Variants in C2CD3 observed in about 807,000 individuals in gnomAD.
C2CD3 encodes C2 domain containing 3 centriole elongation regulator.
A neutral mutation model predicts 234.0 loss-of-function variants in C2CD3; 148 were observed. The ratio of observed to expected loss-of-function variants is 0.63; its 90% CI spans 0.55 to 0.72. C2CD3 has a LOEUF of 0.72. Among genes scored for constraint, C2CD3 ranks in the 30% least tolerant of loss-of-function variants. C2CD3 has a pLI of 0.00. For synonymous variants in C2CD3, 1,000 were observed against 1,035.4 expected, an observed-to-expected ratio of 0.97 and a Z score of 0.66; for missense variants, 2,577 against 2,811.5, an observed-to-expected ratio of 0.92 and a Z score of 1.89.
intron 3 of C2CD3, among the ~76,000 whole-genome samples, chr11:74,151,712 T>A (rs11606804): frequency 0.28 from 43,025 of 151,896 alleles, 7,096 homozygotes; most frequent in African/African-American, 0.46. Flanking sequence ...AATTTAATAG[T>A]AGTAGGAAAA....
rs754010522 is a variant in C2CD3, at chr11:74,049,495, G to C, written c.5203C>G (p.Leu1735Val). The C allele has an allele frequency of 2.2e-5, 36 of 1,612,800 alleles. No individual in the cohort carries two copies. The Admixed American group carries it at 3.8e-4, about 17-fold the overall frequency. Residue 1735 changes from leucine to valine, a missense_variant, in exon 27 of 33, where the codon CTC becomes GTC. Leu to Val is a conservative substitution (Grantham distance 32). Coordinates refer to ENST00000334126, the MANE Select transcript of C2CD3 (RefSeq NM_001286577.2). ...GFASVDLSPLLSGFQFVCGWY... is the reference protein window; with the variant it reads ...GFASVDLSPLVSGFQFVCGWY... ...CCACAGACAAACTGGAAGCCAGAGAGAAGTGGGGAGAGGTCCACCGAGGCA... is the reference window on the plus strand; with the variant it reads ...CCACAGACAAACTGGAAGCCAGAGACAAGTGGGGAGAGGTCCACCGAGGCA...
rs1954217428 is a variant in C2CD3, at chr11:74,061,118, G to A, written c.4952-3574C>T. 2.0e-5 allele frequency among the ~76,000 whole-genome samples: 3 copies of A among 152,232 alleles called. No individual in the cohort carries two copies. In the Middle Eastern group the frequency reaches 0.01, roughly 518 times the overall value. On this transcript the variant is annotated intron_variant, in intron 24 of 32. Coordinates refer to ENST00000334126, the MANE Select transcript of C2CD3 (RefSeq NM_001286577.2). ...ATGAACAAAGCCTCCAAGAAATATGGGACTATGTGAAAAGACCAAGTCTAC... is the reference window on the plus strand; with the variant it reads ...ATGAACAAAGCCTCCAAGAAATATGAGACTATGTGAAAAGACCAAGTCTAC...
chr11:74,072,127 T>C (rs1390284475), intron 24 of C2CD3, among the ~76,000 whole-genome samples: 2 of 152,132 alleles, frequency 1.3e-5, no homozygotes, highest in Non-Finnish European at 2.9e-5. Context: ...AATGGCTGCT[T>C]TGGTGGGGCA....
At position 74,110,008 on chromosome 11, in the gene C2CD3, G is replaced by A. The variant is rs548644766; in HGVS notation, c.1844-856C>T. ...AGGCAGGAGAGTGGCGTGAACCGGG[G>A]AAGCAGAGCTTGCAGTGAGCCTAGA... On this transcript the variant is annotated intron_variant, in intron 11 of 32. Coordinates refer to ENST00000334126, the MANE Select transcript of C2CD3 (RefSeq NM_001286577.2). Among the ~76,000 whole-genome samples the A allele has an allele frequency of 1.0e-3, 156 of 149,130 alleles. 1 individual carries two copies. The highest frequency in any genetic ancestry group is 3.9e-3 in the African/African-American group (154 of 39,622).
chr11:74,145,544 G>T (rs1855124001), intron 3 of C2CD3, among the ~76,000 whole-genome samples: 1 of 152,128 alleles, frequency 6.6e-6, no homozygotes, highest in African/African-American at 2.4e-5. Flanking sequence ...CTGTGCAAAA[G>T]CTCTTTAGAT....
intron 23 of C2CD3, among the ~76,000 whole-genome samples, chr11:74,077,841 A>G (rs1955139598): frequency 8.9e-5 from 2 of 22,384 alleles, no homozygotes; most frequent in South Asian, 1.3e-3. Flanking sequence ...ATATATATAT[A>G]TATATTATCT....
chr11:74,150,922 T>C (rs540636122), intron 3 of C2CD3, among the ~76,000 whole-genome samples: 1 of 152,094 alleles, frequency 6.6e-6, no homozygotes, highest in South Asian at 2.1e-4. Flanking sequence ...TTTCTTTCTT[T>C]CTTTTTTTTT....
chr11:74,019,413 C>G (rs891870866), intron 32 of C2CD3, among the ~76,000 whole-genome samples: 17 of 152,206 alleles, frequency 1.1e-4, no homozygotes, highest in African/African-American at 4.1e-4. Context: ...ATCAGAGATA[C>G]TTTGACCTTT....
chr11:74,017,932 G>A (rs1179949848), intron 32 of C2CD3, among the ~76,000 whole-genome samples: 7 of 152,200 alleles, frequency 4.6e-5, no homozygotes, highest in Admixed American at 6.5e-5. Context: ...GTGGGTACAG[G>A]TGCCCCCACT....
chr11:74,128,051 G>A, intron 7 of C2CD3, among the ~76,000 whole-genome samples: 1 of 152,148 alleles, frequency 6.6e-6, no homozygotes, highest in East Asian at 1.9e-4. Flanking sequence ...TTTCAGTAGA[G>A]ATGGGGTTTC....
At chr11:74,103,095 A>G (rs1254206317) in intron 14 of C2CD3, 36 bp downstream of exon 14, 2 of 1,568,622 alleles carry the variant, frequency 1.3e-6, no homozygotes, top group African/African-American at 2.7e-5. Context: ...TCTCACCCCT[A>G]TATTCCTCTA....
At chr11:74,057,923 C>CA (rs1481718719) in intron 24 of C2CD3, among the ~76,000 whole-genome samples, 10 of 152,204 alleles carry the variant, frequency 6.6e-5, no homozygotes, top group Admixed American at 5.2e-4. Flanking sequence ...TGCACCACTA[C>CA]ACTCCAGACT....
intron 7 of C2CD3, among the ~76,000 whole-genome samples, chr11:74,130,167 AGG>A (rs1386679042): frequency 8.5e-6 from 1 of 117,806 alleles, no homozygotes; most frequent in Non-Finnish European, 1.8e-5. Context: ...GAGAGGGGAG[AGG>A]GGCTGTTTGA....
In C2CD3 at chr11:74,094,856, CG is replaced by C. The variant is rs573028886; in HGVS notation, c.3160+371del. On this transcript the variant is annotated intron_variant, in intron 17 of 32. Coordinates refer to ENST00000334126, the MANE Select transcript of C2CD3 (RefSeq NM_001286577.2). ...AGTGGTTCAGTATTCCTTAATTCAGCGTTCATGGTGGCTTTACAGAACAGAA... is the reference window on the plus strand; with the variant it reads ...AGTGGTTCAGTATTCCTTAATTCAGCTTCATGGTGGCTTTACAGAACAGAA... Among the ~76,000 whole-genome samples, 3 of 152,152 alleles carry C rather than the reference CG, an allele frequency of 2.0e-5. No homozygotes were observed. In the South Asian group the frequency reaches 6.2e-4, roughly 32 times the overall value.
chr11:74,123,203 G>A, intron 7 of C2CD3, 68 bp from the exon 8 acceptor site: 6 of 1,196,890 alleles, frequency 5.0e-6, no homozygotes, highest in Non-Finnish European at 7.2e-6. Context: ...TCTCTCTTTA[G>A]TGAAACTTTC....
intron 11 of C2CD3, among the ~76,000 whole-genome samples, chr11:74,112,143 C>T (rs1024884226): frequency 6.6e-6 from 1 of 152,060 alleles, no homozygotes; most frequent in Non-Finnish European, 1.5e-5. Flanking sequence ...TTAAAAATCC[C>T]GTGTTACTAT....
At chr11:74,077,621 G>A (rs2135463978) in intron 23 of C2CD3, among the ~76,000 whole-genome samples, 1 of 151,134 alleles carries the variant, frequency 6.6e-6, no homozygotes, top group South Asian at 2.1e-4. Flanking sequence ...ATACACTGGG[G>A]CCTGTTAGGG....
intron 11 of C2CD3, 190 bp downstream of exon 11, chr11:74,113,590 G>C (rs901620266): frequency 5.2e-6 from 3 of 574,936 alleles, no homozygotes; most frequent in Non-Finnish European, 9.4e-6. Context: ...TGAGATGGGA[G>C]AATCACTTGA....
At chr11:74,102,399 T>C (rs1245197528) in intron 14 of C2CD3, among the ~76,000 whole-genome samples, 1 of 152,248 alleles carries the variant, frequency 6.6e-6, no homozygotes, top group Non-Finnish European at 1.5e-5. Flanking sequence ...AGCAGGCAGT[T>C]AGATACAGAA....
Sources: allele counts gnomAD v4.1 joint callset (sites outside exome capture counted in the v4.1 genomes callset), GRCh38; gene constraint gnomAD v4.1.1; transcripts MANE v1.5; gene names NCBI Gene and HGNC (gene_info 2026-07-23, HGNC 2026-07-21).